The following LPAR1 variants were observed in gnomAD, a reference collection of about 807,000 sequenced individuals.
The protein encoded by LPAR1 is lysophosphatidic acid receptor 1.
LPAR1 carries 5 observed loss-of-function variants against 23.8 expected under a neutral mutation model. The observed-to-expected ratio is 0.21, with a 90% CI of 0.11 to 0.44. LPAR1 has a LOEUF of 0.44. Among genes scored for constraint, LPAR1 ranks in the 20% least tolerant of loss-of-function variants. The pLI is 0.99. For missense variants in LPAR1, 311 were observed against 482.8 expected, an observed-to-expected ratio of 0.64 and a Z score of 3.33; for synonymous variants, 160 against 164.7, an observed-to-expected ratio of 0.97 and a Z score of 0.22.
chr9:111,002,770 A>G (rs2097151612), intron 2 of LPAR1, among the ~76,000 whole-genome samples: 1 of 152,202 alleles, frequency 6.6e-6, no homozygotes, highest in South Asian at 2.1e-4. Context: ...TCAGTAAAAG[A>G]GGAATGCAAG....
At chr9:111,035,860 C>G (rs911133151) in intron 2 of LPAR1, among the ~76,000 whole-genome samples, 1 of 152,178 alleles carries the variant, frequency 6.6e-6, no homozygotes, top group East Asian at 1.9e-4. Flanking sequence ...CAGATTGCAA[C>G]TTTCCATACT....
intron 4 of LPAR1, among the ~76,000 whole-genome samples, chr9:110,958,714 G>A (rs1349420098): frequency 6.6e-6 from 1 of 151,954 alleles, no homozygotes; most frequent in Non-Finnish European, 1.5e-5. Flanking sequence ...ACAGGCAAAA[G>A]GGACTATTTT....
At chr9:110,887,485 A>C (rs910470630) in intron 5 of LPAR1, among the ~76,000 whole-genome samples, 1 of 152,188 alleles carries the variant, frequency 6.6e-6, no homozygotes, top group African/African-American at 2.4e-5. Flanking sequence ...ATCTTTAGGA[A>C]GCACAGATTC....
intron 2 of LPAR1, among the ~76,000 whole-genome samples, chr9:111,007,934 G>A (rs1156904115): frequency 6.6e-6 from 1 of 152,122 alleles, no homozygotes; most frequent in Admixed American, 6.6e-5. Context: ...AGCATTTTGG[G>A]AGGCCAAGGC....
At chr9:110,914,788 A>G (rs918041170) in intron 5 of LPAR1, among the ~76,000 whole-genome samples, 3 of 130,528 alleles carry the variant, frequency 2.3e-5, no homozygotes, top group Non-Finnish European at 4.4e-5. Flanking sequence ...TCAAGGGGGG[A>G]AAAAAAGCTT....
At chr9:110,991,416 T>C (rs890309528) in intron 2 of LPAR1, among the ~76,000 whole-genome samples, 1 of 152,242 alleles carries the variant, frequency 6.6e-6, no homozygotes, top group East Asian at 1.9e-4. Flanking sequence ...TTCCTACACA[T>C]AAGAGAACAC....
At chr9:110,882,338 T>C (rs1000274497) in intron 5 of LPAR1, among the ~76,000 whole-genome samples, 7 of 152,198 alleles carry the variant, frequency 4.6e-5, no homozygotes, top group South Asian at 4.1e-4. Flanking sequence ...GTATCTTCCA[T>C]TGGATGAATT....
intron 5 of LPAR1, among the ~76,000 whole-genome samples, chr9:110,921,593 T>TA (rs1227503438): frequency 6.6e-6 from 1 of 152,036 alleles, no homozygotes; most frequent in Admixed American, 6.6e-5. Flanking sequence ...AAACCTATGA[T>TA]AAAAAAAATT....
At chr9:110,882,987 TA>T (rs1485248106) in intron 5 of LPAR1, among the ~76,000 whole-genome samples, 1 of 152,194 alleles carries the variant, frequency 6.6e-6, no homozygotes, top group Non-Finnish European at 1.5e-5. Flanking sequence ...GAAAGTTTGC[TA>T]AAAGTTTTGT....
At chr9:110,906,742 T>C (rs963569882) in intron 5 of LPAR1, among the ~76,000 whole-genome samples, 4 of 152,158 alleles carry the variant, frequency 2.6e-5, no homozygotes, top group Non-Finnish European at 5.9e-5. Flanking sequence ...TAAATTAAAA[T>C]GCTTTTCCAC....
intron 5 of LPAR1, among the ~76,000 whole-genome samples, chr9:110,888,414 T>G (rs2083011640): frequency 6.6e-6 from 1 of 152,180 alleles, no homozygotes; most frequent in Non-Finnish European, 1.5e-5. Flanking sequence ...TTTCATCAGT[T>G]CTTTTTTTCC....
intron 5 of LPAR1, among the ~76,000 whole-genome samples, chr9:110,883,785 T>C (rs1292635440): frequency 1.3e-5 from 2 of 152,194 alleles, no homozygotes; most frequent in African/African-American, 4.8e-5. Flanking sequence ...ATACAATTTA[T>C]CCCCAAAGAC....
At position 110,979,969 on chromosome 9, in the gene LPAR1, A is replaced by G. The variant is rs369568491; in HGVS notation, c.-181-6411T>C. Among the ~76,000 whole-genome samples, 30 of 152,280 alleles carry G rather than the reference A, an allele frequency of 2.0e-4. No homozygotes were observed. In the East Asian group the frequency reaches 4.3e-3, roughly 22 times the overall value. ...TGAGTAAAAAGCACATAGAAAACTA[A>G]GCAAACATCAAAAGAACAATTAGTT... is the stretch of plus-strand genomic sequence containing the variant. On this transcript the variant is annotated intron_variant, in intron 2 of 5. Coordinates refer to ENST00000683809, the MANE Select transcript of LPAR1 (RefSeq NM_001351411.2).
At chr9:110,877,066 T>C (rs764616504) in intron 5 of LPAR1, among the ~76,000 whole-genome samples, 36 of 152,184 alleles carry the variant, frequency 2.4e-4, no homozygotes, top group Non-Finnish European at 4.1e-4. Context: ...CAGAAGGGCA[T>C]TTGCATCTTC....
At chr9:110,931,020 G>T (rs959095514) in intron 5 of LPAR1, among the ~76,000 whole-genome samples, 18 of 152,096 alleles carry the variant, frequency 1.2e-4, no homozygotes, top group African/African-American at 4.1e-4. Context: ...CCACTCTAAG[G>T]ATTTATACAA....
intron 5 of LPAR1, among the ~76,000 whole-genome samples, chr9:110,924,989 T>C (rs965065250): frequency 1.3e-5 from 2 of 152,204 alleles, no homozygotes; most frequent in African/African-American, 4.8e-5. Context: ...ATTTGCTTCA[T>C]AATTACATCT....
At chr9:110,943,741 T>C (rs2095265697) in intron 4 of LPAR1, among the ~76,000 whole-genome samples, 1 of 151,648 alleles carries the variant, frequency 6.6e-6, no homozygotes, top group African/African-American at 2.4e-5. Flanking sequence ...GCACCTGTAA[T>C]CCCAGCTACT....
chr9:110,973,043 C>T (rs2096469920), intron 3 of LPAR1, among the ~76,000 whole-genome samples: 1 of 152,164 alleles, frequency 6.6e-6, no homozygotes, highest in Non-Finnish European at 1.5e-5. Context: ...ACAGGTAGCA[C>T]ACACAGTGTG....
At chr9:110,899,404 A>G (rs78133075) in intron 5 of LPAR1, among the ~76,000 whole-genome samples, 7,178 of 152,318 alleles carry the variant, frequency 0.047, 303 homozygotes, top group African/African-American at 0.11. Context: ...ATTTTGTGCA[A>G]TGCAATGTAG....
Sources: allele counts gnomAD v4.1 joint callset (sites outside exome capture counted in the v4.1 genomes callset), GRCh38; gene constraint gnomAD v4.1.1; transcripts MANE v1.5; gene names NCBI Gene and HGNC (gene_info 2026-07-23, HGNC 2026-07-21).